STAG1: variants seen among roughly 807,000 people sequenced by gnomAD.
STAG1 encodes STAG1 cohesin complex component.
A neutral mutation model predicts 170.9 loss-of-function variants in STAG1; 26 were observed. The observed-to-expected ratio is 0.15, with a 90% confidence interval of 0.11 to 0.21. STAG1 has a LOEUF of 0.21. STAG1 is among the 10% of genes least tolerant of loss of function. The probability of loss-of-function intolerance (pLI) is 1.00; values close to 1 mark genes in which losing one functional copy is unlikely to be tolerated. For synonymous variants in STAG1, 514 were observed against 497.7 expected, an observed-to-expected ratio of 1.03 and a Z score of -0.44; for missense variants, 964 against 1,509.5, an observed-to-expected ratio of 0.64 and a Z score of 5.99.
At chr3:136,618,557 A>T (rs1038538391) in intron 3 of STAG1, among the ~76,000 whole-genome samples, 9 of 152,254 alleles carry the variant, frequency 5.9e-5, no homozygotes, top group Admixed American at 2.0e-4. Context: ...TTGAGAATAT[A>T]GAAGTGCTGG....
chr3:136,723,769 T>A (rs1190544369), intron 1 of STAG1, among the ~76,000 whole-genome samples: 5 of 114,984 alleles, frequency 4.3e-5, no homozygotes, highest in African/African-American at 6.7e-5. Flanking sequence ...AGCCGCCCCG[T>A]CCGGGAAGGA....
rs183007289 is a variant in STAG1, at chr3:136,642,453, G to A, written c.-83-11472C>T. On this transcript the variant is annotated intron_variant, in intron 1 of 33. Transcript: ENST00000383202. ...CTCCCAGCTAATTTTTATATTTTTA[G>A]TGGAGACGGGGTTTCACCATGTTGG... 2.6e-3 allele frequency among the ~76,000 whole-genome samples: 400 copies of A among 151,694 alleles called. 11 individuals carry two copies. Among genetic ancestry groups the A allele is most frequent in the East Asian group, 1.6e-3 (8 of 5,144 alleles).
At chr3:136,576,595 A>AT (rs1937464304) in intron 4 of STAG1, among the ~76,000 whole-genome samples, 1 of 152,204 alleles carries the variant, frequency 6.6e-6, no homozygotes, top group Non-Finnish European at 1.5e-5. Flanking sequence ...AAAAAATAAC[A>AT]TTTTTTAAAT....
In STAG1 at chr3:136,712,855, C is replaced by G. The variant is rs370395986; in HGVS notation, c.-84+39340G>C. ...CCTGTAATCCCAGCACTCTGGGAGG[C>G]TGAGGCAGGTGGATCACCTGAGGTC... On this transcript the variant is annotated intron_variant, in intron 1 of 33. Transcript: ENST00000383202. Among the ~76,000 whole-genome samples the G allele has an allele frequency of 3.2e-4, 49 of 152,358 alleles. No individual in the cohort carries two copies. The East Asian group carries it at 7.1e-3, about 22-fold the overall frequency.
intron 1 of STAG1, among the ~76,000 whole-genome samples, chr3:136,749,692 G>A: frequency 6.8e-6 from 1 of 146,944 alleles, no homozygotes; most frequent in African/African-American, 2.5e-5. Flanking sequence ...GTTGCAGTGA[G>A]CCGAGATCAC....
intron 1 of STAG1, among the ~76,000 whole-genome samples, chr3:136,723,382 C>T (rs1164389231): frequency 1.3e-5 from 2 of 150,524 alleles, no homozygotes; most frequent in South Asian, 2.1e-4. Flanking sequence ...TACCCGGCCG[C>T]GACCCCGTCT....
intron 15 of STAG1, among the ~76,000 whole-genome samples, chr3:136,442,496 A>G (rs1287290469): frequency 6.6e-6 from 1 of 152,238 alleles, no homozygotes; most frequent in Non-Finnish European, 1.5e-5. Context: ...GCATACTTCA[A>G]AAATTATCAT....
intron 1 of STAG1, among the ~76,000 whole-genome samples, chr3:136,740,550 A>G (rs1350250629): frequency 2.0e-5 from 3 of 152,046 alleles, no homozygotes; most frequent in Non-Finnish European, 4.4e-5. Context: ...GCGCAATCTC[A>G]GCTCACTACA....
chr3:136,649,819 G>A (rs910253694), intron 1 of STAG1, among the ~76,000 whole-genome samples: 1 of 151,636 alleles, frequency 6.6e-6, no homozygotes, highest in Non-Finnish European at 1.5e-5. Flanking sequence ...CCAGGCTGGA[G>A]TGCAGTGGCA....
At chr3:136,632,091 T>C (rs920722739) in intron 1 of STAG1, among the ~76,000 whole-genome samples, 1 of 151,688 alleles carries the variant, frequency 6.6e-6, no homozygotes, top group Non-Finnish European at 1.5e-5. Flanking sequence ...TCAAAGACAA[T>C]GGAGTAACAT....
At chr3:136,713,412 G>A (rs1045180623) in intron 1 of STAG1, among the ~76,000 whole-genome samples, 2 of 151,642 alleles carry the variant, frequency 1.3e-5, no homozygotes, top group African/African-American at 4.8e-5. Flanking sequence ...GTAAAATCCC[G>A]ACTCTACTAA....
At position 136,336,895 on chromosome 3, in the gene STAG1, G is replaced by A. The variant is rs1385941238; in HGVS notation, c.*1359C>T. The stretch of plus-strand genomic sequence containing the variant: ...TCTGTTGCAGCTACTTTAAAAACCA[G>A]CCCAGAAACAGCTGTGGATGAATTG... On this transcript the variant is annotated 3_prime_UTR_variant, in exon 34 of 34. Transcript: ENST00000383202. 1 of 152,192 alleles carries A rather than the reference G, an allele frequency of 6.6e-6. No homozygotes were observed. Among genetic ancestry groups the A allele is most frequent in the Admixed American group, 6.5e-5 (1 of 15,278 alleles). 9.4% of individuals were successfully genotyped at this position (152,192 alleles called of 1,614,324 possible).
chr3:136,655,882 A>C (rs1941355565), intron 1 of STAG1, among the ~76,000 whole-genome samples: 1 of 152,184 alleles, frequency 6.6e-6, no homozygotes, highest in Non-Finnish European at 1.5e-5. Context: ...TCAGAAAATT[A>C]AGAATAGACT....
intron 5 of STAG1, among the ~76,000 whole-genome samples, chr3:136,554,116 A>G (rs569880993): frequency 7.2e-5 from 11 of 152,150 alleles, no homozygotes; most frequent in African/African-American, 2.6e-4. Flanking sequence ...ACTTTTAGAG[A>G]AAAAAAAGTA....
chr3:136,626,598 C>T lies in STAG1; in HGVS notation c.30-3350G>A, dbSNP rs1052198168. Among the ~76,000 whole-genome samples, 6 of 152,230 alleles carry T rather than the reference C, an allele frequency of 3.9e-5. No homozygotes were observed. In the East Asian group the frequency reaches 1.2e-3, roughly 29 times the overall value. On this transcript the variant is annotated intron_variant, in intron 2 of 33. Coordinates refer to ENST00000383202, the MANE Select transcript of STAG1 (RefSeq NM_005862.3). ...GTTTCAACATTTTATTTAAAAGAGG[C>T]ATCTGAACCACTAGCAGTATTTGCC...
intron 16 of STAG1, among the ~76,000 whole-genome samples, chr3:136,424,598 G>C (rs1031588822): frequency 1.3e-5 from 2 of 152,032 alleles, no homozygotes; most frequent in Non-Finnish European, 2.9e-5. Flanking sequence ...CTCCCAAAGT[G>C]CTGGAATTAC....
At chr3:136,644,883 G>A in intron 1 of STAG1, among the ~76,000 whole-genome samples, 1 of 152,026 alleles carries the variant, frequency 6.6e-6, no homozygotes, top group Non-Finnish European at 1.5e-5. Flanking sequence ...ACCATGCCCA[G>A]CTAATTTTTT....
At chr3:136,690,056 C>CAAAAAA (rs57082567) in intron 1 of STAG1, among the ~76,000 whole-genome samples, 13 of 56,320 alleles carry the variant, frequency 2.3e-4, no homozygotes, top group Admixed American at 4.3e-4. Context: ...AAAAGCAAAC[C>CAAAAAA]AAAAAAAAAA....
In STAG1 at chr3:136,337,586, A is replaced by T. The variant is rs1020832800; in HGVS notation, c.*668T>A. The T allele has an allele frequency of 6.6e-6, 1 of 152,650 alleles. No homozygotes were observed. Among genetic ancestry groups the T allele is most frequent in the Non-Finnish European group, 1.5e-5 (1 of 68,044 alleles). 9.5% of individuals were successfully genotyped at this position (152,650 alleles called of 1,614,324 possible). A position where few individuals can be genotyped will look rare whatever the true frequency, so the allele number is the denominator to read the frequency against. ...TATGCCCACTTATAAATAAAAATAA[A>T]CCTTTTATTCAAGAGTATATAAAAT... On this transcript the variant is annotated 3_prime_UTR_variant, in exon 34 of 34. Coordinates refer to ENST00000383202, the MANE Select transcript of STAG1 (RefSeq NM_005862.3).
Sources: gnomAD v4.1 joint callset for allele counts (sites outside exome capture counted in the v4.1 genomes callset) on GRCh38, gnomAD v4.1.1 for gene constraint, MANE v1.5 for transcripts, NCBI Gene and HGNC (gene_info 2026-07-23, HGNC 2026-07-21) for gene names.